Variants in RCAN2 observed in about 807,000 individuals in gnomAD.
RCAN2 encodes calcipressin-2.
RCAN2 carries 9 observed loss-of-function variants against 23.6 expected under a neutral mutation model. The ratio of observed to expected loss-of-function variants is 0.38; its 90% CI spans 0.23 to 0.67. RCAN2 has a LOEUF of 0.67. Ranked by LOEUF, RCAN2 falls within the 30% of genes least tolerant of loss-of-function variation. RCAN2 has a pLI of 0.51. For missense variants in RCAN2, 273 were observed against 302.3 expected, an observed-to-expected ratio of 0.90 and a Z score of 0.72; for synonymous variants, 109 against 115.7, an observed-to-expected ratio of 0.94 and a Z score of 0.37.
intron 2 of RCAN2, among the ~76,000 whole-genome samples, chr6:46,253,989 C>T (rs1340221482): frequency 6.6e-6 from 1 of 152,184 alleles, no homozygotes; most frequent in Non-Finnish European, 1.5e-5. Context: ...ATCATGTTCA[C>T]ACAACGAAAT....
chr6:46,226,976 A>G (rs1765691286), intron 4 of RCAN2, among the ~76,000 whole-genome samples: 1 of 152,162 alleles, frequency 6.6e-6, no homozygotes, highest in Non-Finnish European at 1.5e-5. Flanking sequence ...TACCTAATTT[A>G]TTGAGAGTTT....
intron 2 of RCAN2, among the ~76,000 whole-genome samples, chr6:46,376,711 CAAACA>C (rs1472440958): frequency 2.1e-5 from 2 of 95,422 alleles, no homozygotes; most frequent in African/African-American, 1.0e-4. Flanking sequence ...ACCAAACAAA[CAAACA>C]AAAAAAAAAA....
At chr6:46,333,881 C>A (rs913473551) in intron 2 of RCAN2, among the ~76,000 whole-genome samples, 1 of 152,192 alleles carries the variant, frequency 6.6e-6, no homozygotes, top group Non-Finnish European at 1.5e-5. Context: ...ACACTAGAGA[C>A]CTCAATGAGT....
At chr6:46,485,187 C>A (rs1768965539) in intron 1 of RCAN2, among the ~76,000 whole-genome samples, 1 of 152,120 alleles carries the variant, frequency 6.6e-6, no homozygotes, top group African/African-American at 2.4e-5. Flanking sequence ...TGGGAACAAT[C>A]TGAATGTTCA....
At chr6:46,263,621 T>C (rs953849571) in intron 2 of RCAN2, among the ~76,000 whole-genome samples, 1 of 147,566 alleles carries the variant, frequency 6.8e-6, no homozygotes, top group Non-Finnish European at 1.5e-5. Context: ...AAGAGATGGA[T>C]AGAATTTGTG....
At chr6:46,345,484 T>C (rs1315672098) in intron 2 of RCAN2, among the ~76,000 whole-genome samples, 1 of 152,140 alleles carries the variant, frequency 6.6e-6, no homozygotes, top group East Asian at 1.9e-4. Context: ...ACATTTGCCA[T>C]GGTAGACCAC....
chr6:46,462,415 C>T (rs140541591), intron 1 of RCAN2, among the ~76,000 whole-genome samples: 28 of 152,194 alleles, frequency 1.8e-4, no homozygotes, highest in Non-Finnish European at 2.2e-4. Flanking sequence ...GGAGGGTTTG[C>T]GACCATTTCA....
intron 2 of RCAN2, among the ~76,000 whole-genome samples, chr6:46,274,168 G>A (rs1028105929): frequency 2.0e-5 from 3 of 152,178 alleles, no homozygotes; most frequent in East Asian, 1.9e-4. Context: ...TATTCAACCT[G>A]CAAACCTTTG....
At chr6:46,292,034 T>A (rs191546595) in intron 2 of RCAN2, among the ~76,000 whole-genome samples, 1 of 152,304 alleles carries the variant, frequency 6.6e-6, no homozygotes, top group East Asian at 1.9e-4. Context: ...GCAATTGGAA[T>A]TAAAAGCCTT....
At chr6:46,225,646 T>C (rs9395168) in intron 4 of RCAN2, among the ~76,000 whole-genome samples, 5,396 of 152,290 alleles carry the variant, frequency 0.035, 476 homozygotes, top group East Asian at 0.26. Flanking sequence ...TTTTTTTTCT[T>C]GTAAATTTGT....
At chr6:46,329,208 C>T (rs1203375447) in intron 2 of RCAN2, among the ~76,000 whole-genome samples, 3 of 152,214 alleles carry the variant, frequency 2.0e-5, no homozygotes, top group Non-Finnish European at 4.4e-5. Context: ...TCATGGCTTG[C>T]TCCTTCTTAT....
rs75068827 is a variant in RCAN2, at chr6:46,364,034, C to T, written c.225+92718G>A. Among the ~76,000 whole-genome samples, 801 of 152,230 alleles carry T rather than the reference C, an allele frequency of 5.3e-3. 7 individuals are homozygous for T. The highest frequency in any genetic ancestry group is 0.018 in the African/African-American group (733 of 41,540). ...CACTGAATCTTAAATCGCTCAAAGA[C>T]GATGAAAAACCTAGAGACCCTATCT... On this transcript the variant is annotated intron_variant, in intron 2 of 4. Transcript: ENST00000371374.
At chr6:46,366,394 C>A (rs543889000) in intron 2 of RCAN2, among the ~76,000 whole-genome samples, 1 of 152,100 alleles carries the variant, frequency 6.6e-6, no homozygotes, top group Non-Finnish European at 1.5e-5. Context: ...CCCCTCCAGG[C>A]AAAAATTCCA....
At chr6:46,345,380 G>A (rs865999067) in intron 2 of RCAN2, among the ~76,000 whole-genome samples, 16 of 151,988 alleles carry the variant, frequency 1.1e-4, no homozygotes, top group South Asian at 2.1e-4. Flanking sequence ...GAACAACTCC[G>A]AAAACAAACT....
chr6:46,452,770 T>G (rs566031590), intron 2 of RCAN2, among the ~76,000 whole-genome samples: 1 of 152,292 alleles, frequency 6.6e-6, no homozygotes, highest in Admixed American at 6.5e-5. Flanking sequence ...TATATAGGTA[T>G]TTGCTGCTGA....
intron 2 of RCAN2, among the ~76,000 whole-genome samples, chr6:46,418,295 G>A (rs533109144): frequency 1.1e-4 from 16 of 152,102 alleles, no homozygotes; most frequent in Non-Finnish European, 1.8e-4. Flanking sequence ...CAATTAAAAC[G>A]GAAATAATAA....
chr6:46,397,777 G>A (rs1445354357), intron 2 of RCAN2, among the ~76,000 whole-genome samples: 1 of 152,116 alleles, frequency 6.6e-6, no homozygotes, highest in Non-Finnish European at 1.5e-5. Context: ...CCTAAGCCAT[G>A]CAGCCCCACT....
intron 2 of RCAN2, among the ~76,000 whole-genome samples, chr6:46,304,428 T>G (rs1437356436): frequency 6.6e-6 from 1 of 152,148 alleles, no homozygotes; most frequent in African/African-American, 2.4e-5. Flanking sequence ...TAATTTTTAA[T>G]AAAGTCTAAT....
chr6:46,300,312 A>G (rs546004126), intron 2 of RCAN2, among the ~76,000 whole-genome samples: 5 of 152,150 alleles, frequency 3.3e-5, no homozygotes, highest in African/African-American at 1.2e-4. Context: ...GCCCTCTACA[A>G]GAAAATTCAT....
Sources: gnomAD v4.1 joint callset for allele counts (sites outside exome capture counted in the v4.1 genomes callset) on GRCh38, gnomAD v4.1.1 for gene constraint, MANE v1.5 for transcripts, NCBI Gene and HGNC (gene_info 2026-07-23, HGNC 2026-07-21) for gene names.